Variants in BACH2 observed in about 807,000 individuals in gnomAD.
BACH2 encodes BACH transcriptional regulator 2.
A neutral mutation model predicts 61.8 loss-of-function variants in BACH2; 5 were observed. The ratio of observed to expected loss-of-function variants is 0.08; its 90% CI spans 0.04 to 0.17. The LOEUF (loss-of-function observed/expected upper bound fraction) is 0.17. Ranked by LOEUF, BACH2 falls within the 10% of genes least tolerant of loss-of-function variation. The probability of loss-of-function intolerance (pLI) is 1.00; values close to 1 mark genes in which losing one functional copy is unlikely to be tolerated. For synonymous variants in BACH2, 446 were observed against 440.1 expected, an observed-to-expected ratio of 1.01 and a Z score of -0.17; for missense variants, 824 against 1,091.1, an observed-to-expected ratio of 0.76 and a Z score of 3.45.
chr6:90,203,545 A>G (rs1314019845), intron 4 of BACH2, among the ~76,000 whole-genome samples: 1 of 152,152 alleles, frequency 6.6e-6, no homozygotes, highest in Admixed American at 6.6e-5. Flanking sequence ...GGGAGAATGC[A>G]CACCCTGGGA....
At chr6:90,250,478 T>C (rs916910457) in intron 3 of BACH2, among the ~76,000 whole-genome samples, 2 of 152,208 alleles carry the variant, frequency 1.3e-5, no homozygotes, top group African/African-American at 4.8e-5. Flanking sequence ...GTTTGTCAAA[T>C]GAAGCCTCAC....
intron 2 of BACH2, among the ~76,000 whole-genome samples, chr6:90,252,791 A>T (rs1770853514): frequency 1.3e-5 from 2 of 152,216 alleles, no homozygotes; most frequent in Admixed American, 1.3e-4. Context: ...ACTAGGCTCA[A>T]ATGTGAGGTC....
At chr6:90,044,345 C>A (rs2127792263) in intron 5 of BACH2, among the ~76,000 whole-genome samples, 1 of 152,270 alleles carries the variant, frequency 6.6e-6, no homozygotes, top group East Asian at 1.9e-4. Context: ...ACAGCTGGTT[C>A]AATGGCCCTA....
chr6:90,264,100 C>T (rs1355314457), intron 2 of BACH2, among the ~76,000 whole-genome samples: 1 of 152,194 alleles, frequency 6.6e-6, no homozygotes, highest in Non-Finnish European at 1.5e-5. Context: ...AGGAACCAAA[C>T]AGGAGTTCTA....
chr6:90,195,130 T>C (rs1260834358), intron 4 of BACH2, among the ~76,000 whole-genome samples: 2 of 152,196 alleles, frequency 1.3e-5, no homozygotes, highest in Non-Finnish European at 2.9e-5. Flanking sequence ...TGGGTGATTC[T>C]GCAGCTATGG....
intron 1 of BACH2, among the ~76,000 whole-genome samples, chr6:90,279,976 G>A (rs1195877779): frequency 1.3e-5 from 2 of 152,156 alleles, no homozygotes; most frequent in Admixed American, 6.5e-5. Flanking sequence ...GTTAGTCATG[G>A]CCTTTTGAGG....
chr6:90,106,825 C>T (rs996142375), intron 4 of BACH2, among the ~76,000 whole-genome samples: 1 of 152,174 alleles, frequency 6.6e-6, no homozygotes, highest in East Asian at 1.9e-4. Context: ...TCTCTCAGGC[C>T]AATCTGCCTC....
At chr6:90,236,933 A>T (rs1055811005) in intron 3 of BACH2, among the ~76,000 whole-genome samples, 3 of 149,524 alleles carry the variant, frequency 2.0e-5, no homozygotes, top group South Asian at 4.2e-4. Flanking sequence ...CAATGTTCTT[A>T]TTTTTTTTTT....
chr6:89,941,519 G>A (rs1436669432), intron 7 of BACH2, among the ~76,000 whole-genome samples: 1 of 152,238 alleles, frequency 6.6e-6, no homozygotes, highest in Non-Finnish European at 1.5e-5. Flanking sequence ...AGGACAAACA[G>A]TTCCTTGTTA....
At chr6:90,121,203 T>C (rs552012886) in intron 4 of BACH2, among the ~76,000 whole-genome samples, 17 of 152,310 alleles carry the variant, frequency 1.1e-4, no homozygotes, top group Non-Finnish European at 1.5e-4. Context: ...CATCAAAAGA[T>C]TGGCAAATAA....
intron 4 of BACH2, chr6:90,116,746 A>G (rs1007618007): frequency 1.4e-5 from 6 of 439,766 alleles, no homozygotes; most frequent in East Asian, 1.1e-4. Flanking sequence ...CTGCTACCAC[A>G]TAAGTCTTCT....
chr6:89,982,405 C>T (rs1776006209), intron 6 of BACH2, among the ~76,000 whole-genome samples: 1 of 152,070 alleles, frequency 6.6e-6, no homozygotes, highest in Admixed American at 6.5e-5. Context: ...TGGCAGCACG[C>T]ATACTGAATC....
At chr6:90,058,129 T>C (rs868668464) in intron 5 of BACH2, among the ~76,000 whole-genome samples, 268 of 152,198 alleles carry the variant, frequency 1.8e-3, no homozygotes, top group African/African-American at 5.5e-3. Flanking sequence ...CCAGGGCAAT[T>C]AGGCAGGAGA....
At chr6:89,968,168 C>T in intron 6 of BACH2, among the ~76,000 whole-genome samples, 1 of 152,194 alleles carries the variant, frequency 6.6e-6, no homozygotes. Context: ...AGATGGTATC[C>T]ACCAATGTGG....
At position 89,950,135 on chromosome 6, in the gene BACH2, G is replaced by T. The variant is rs1425647379; in HGVS notation, c.1836+135C>A. On this transcript the variant is annotated intron_variant, in intron 7 of 8. Coordinates refer to ENST00000257749, the MANE Select transcript of BACH2 (RefSeq NM_021813.4). The surrounding 1 kb of genome is among the most constrained non-coding windows in gnomAD (Gnocchi z 5.3). ...CTTCAGCATCCTGCCTCTGTGGATGGGGAAGGCAGTCTCTCTACTGTCATC... is the reference window on the plus strand; with the variant it reads ...CTTCAGCATCCTGCCTCTGTGGATGTGGAAGGCAGTCTCTCTACTGTCATC... 4 of 1,019,392 alleles carry T rather than the reference G, an allele frequency of 3.9e-6. No individual in the cohort carries two copies. The highest frequency in any genetic ancestry group is 1.9e-5 in the Admixed American group (1 of 53,196). The allele number at this position is 1,019,392 out of a possible 1,614,324, so 63.1% of individuals were successfully genotyped here.
intron 4 of BACH2, among the ~76,000 whole-genome samples, chr6:90,145,188 A>G (rs1201288456): frequency 6.6e-6 from 1 of 152,220 alleles, no homozygotes; most frequent in Non-Finnish European, 1.5e-5. Context: ...TTAAATGTTT[A>G]AAGTAGAAAA....
chr6:90,245,482 C>T (rs1770602818), intron 3 of BACH2, among the ~76,000 whole-genome samples: 1 of 152,130 alleles, frequency 6.6e-6, no homozygotes, highest in African/African-American at 2.4e-5. Flanking sequence ...GTAGTCCCAG[C>T]TACTCCAGAG....
At chr6:90,044,861 G>A (rs917785818) in intron 5 of BACH2, among the ~76,000 whole-genome samples, 1 of 152,160 alleles carries the variant, frequency 6.6e-6, no homozygotes, top group Non-Finnish European at 1.5e-5. Context: ...TGGGGGATGA[G>A]GGCAGAACAA....
chr6:89,980,485 T>A (rs572953193), intron 6 of BACH2, among the ~76,000 whole-genome samples: 1 of 152,252 alleles, frequency 6.6e-6, no homozygotes, highest in African/African-American at 2.4e-5. Context: ...ATTGCCATTA[T>A]GATGACAATC....
Sources: gnomAD v4.1 joint callset for allele counts (sites outside exome capture counted in the v4.1 genomes callset) on GRCh38, gnomAD v4.1.1 for gene constraint, Gnocchi (gnomAD v3.1) non-coding constraint, MANE v1.5 for transcripts, NCBI Gene and HGNC (gene_info 2026-07-23, HGNC 2026-07-21) for gene names.